NTM: variants seen among roughly 807,000 people sequenced by gnomAD.
The protein encoded by NTM is IgLON family member 2.
NTM carries 13 observed loss-of-function variants against 42.1 expected under a neutral mutation model. That is an observed-to-expected ratio of 0.31 (90% CI 0.20 to 0.49). The LOEUF is 0.49. Among genes scored for constraint, NTM ranks in the 20% least tolerant of loss-of-function variants. The pLI is 0.99. For missense variants in NTM, 373 were observed against 452.8 expected (o/e 0.82, Z 1.60); for synonymous variants, 187 against 179.2 (o/e 1.04, Z -0.35).
At chr11:131,663,805 C>G (rs949431395) in intron 1 of NTM, among the ~76,000 whole-genome samples, 8 of 152,238 alleles carry the variant, frequency 5.3e-5, no homozygotes, top group Admixed American at 1.3e-4. Context: ...CACACACACA[C>G]AGAGATTTCT....
intron 4 of NTM, among the ~76,000 whole-genome samples, chr11:132,237,526 G>A (rs888083229): frequency 6.6e-6 from 1 of 152,190 alleles, no homozygotes. Flanking sequence ...AGCCGGTCCC[G>A]TGAAGAGGTC....
At chr11:132,227,833 T>G (rs1482281373) in intron 4 of NTM, among the ~76,000 whole-genome samples, 3 of 152,078 alleles carry the variant, frequency 2.0e-5, no homozygotes, top group Non-Finnish European at 4.4e-5. Context: ...CACTGGGGAT[T>G]GATAGTTGTG....
intron 1 of NTM, among the ~76,000 whole-genome samples, chr11:131,510,840 C>T (rs374982386): frequency 2.6e-5 from 4 of 151,982 alleles, no homozygotes; most frequent in Admixed American, 6.5e-5. Context: ...CCTTCTGCCC[C>T]GTCCTGGCTT....
At chr11:132,329,240 C>T (rs2095750969) in intron 7 of NTM, among the ~76,000 whole-genome samples, 1 of 152,128 alleles carries the variant, frequency 6.6e-6, no homozygotes, top group South Asian at 2.1e-4. Context: ...AGCTTTAGTG[C>T]CATTTTCCGT....
intron 1 of NTM, among the ~76,000 whole-genome samples, chr11:131,890,148 C>T (rs897761940): frequency 1.4e-5 from 1 of 70,274 alleles, no homozygotes; most frequent in African/African-American, 6.6e-5. Flanking sequence ...CTCTCTCTCT[C>T]TCTCTCTGTC....
intron 2 of NTM, among the ~76,000 whole-genome samples, chr11:131,987,740 AT>A (rs1565890304): frequency 6.6e-6 from 1 of 152,236 alleles, no homozygotes; most frequent in African/African-American, 2.4e-5. Flanking sequence ...AATGCTCTGT[AT>A]TTTATGATGA....
chr11:132,205,621 A>G (rs1033097371), intron 3 of NTM, among the ~76,000 whole-genome samples: 1 of 152,042 alleles, frequency 6.6e-6, no homozygotes, highest in South Asian at 2.1e-4. Context: ...TAATTGGTAT[A>G]TTTTCTAGAT....
chr11:131,918,193 A>G (rs1369317095), intron 2 of NTM, among the ~76,000 whole-genome samples: 1 of 152,148 alleles, frequency 6.6e-6, no homozygotes, highest in African/African-American at 2.4e-5. Context: ...CAGCCAGTAC[A>G]CTTTCCATCC....
intron 3 of NTM, among the ~76,000 whole-genome samples, chr11:132,169,962 AG>A (rs1340250897): frequency 6.6e-6 from 1 of 152,184 alleles, no homozygotes; most frequent in Non-Finnish European, 1.5e-5. Flanking sequence ...TCCAGGACCT[AG>A]CAGAGCCTCT....
rs1436610856 is a variant in NTM at position 132,147,222 on chromosome 11, A to T, written c.400+708A>T. Among the ~76,000 whole-genome samples the T allele has an allele frequency of 2.3e-4, 35 of 149,640 alleles. 1 individual carries two copies. The highest frequency in any genetic ancestry group is 8.2e-4 in the African/African-American group (33 of 40,362). Reference sequence around the variant, plus strand: ...GTGTGTGTGTGTGTGTGTGAGAGAGAGAGAGAGAGAGAGAGAGAATATGTG... The same window carrying T: ...GTGTGTGTGTGTGTGTGTGAGAGAGTGAGAGAGAGAGAGAGAGAATATGTG... On this transcript the variant is annotated intron_variant, in intron 3 of 8. Coordinates refer to ENST00000683400, the MANE Select transcript of NTM (RefSeq NM_001352005.2).
At chr11:131,844,320 C>T (rs1306921103) in intron 1 of NTM, among the ~76,000 whole-genome samples, 2 of 152,040 alleles carry the variant, frequency 1.3e-5, no homozygotes, top group African/African-American at 2.4e-5. Flanking sequence ...GGACTTTTAT[C>T]GGCTTCTGTT....
chr11:131,855,446 C>T (rs2045996583), intron 1 of NTM, among the ~76,000 whole-genome samples: 1 of 152,216 alleles, frequency 6.6e-6, no homozygotes, highest in Non-Finnish European at 1.5e-5. Flanking sequence ...ATTCCCCACT[C>T]TACCAACAAG....
At chr11:131,806,177 T>C (rs1178731328) in intron 1 of NTM, among the ~76,000 whole-genome samples, 1 of 152,216 alleles carries the variant, frequency 6.6e-6, no homozygotes, top group Non-Finnish European at 1.5e-5. Flanking sequence ...CATGCAGTAA[T>C]TGAGTTTTTC....
intron 4 of NTM, among the ~76,000 whole-genome samples, chr11:132,214,438 G>A (rs758587580): frequency 2.6e-5 from 4 of 151,998 alleles, no homozygotes; most frequent in Non-Finnish European, 5.9e-5. Flanking sequence ...TTTTCTGGGT[G>A]TTTCTTCCCC....
At position 131,816,860 on chromosome 11, in the gene NTM, G is replaced by A. The variant is rs534413285; in HGVS notation, c.83-94704G>A. Among the ~76,000 whole-genome samples the A allele has an allele frequency of 2.8e-3, 424 of 152,184 alleles. 3 individuals carry two copies. The highest frequency in any genetic ancestry group is 9.9e-3 in the African/African-American group (410 of 41,494). On this transcript the variant is annotated intron_variant, in intron 1 of 8. Coordinates refer to ENST00000683400, the MANE Select transcript of NTM (RefSeq NM_001352005.2). The stretch of plus-strand genomic sequence containing the variant: ...TACTTAGCATAGCCTAAAACACTGG[G>A]CACTCAACGCACGTTAATTAAATAA...
intron 4 of NTM, among the ~76,000 whole-genome samples, chr11:132,255,467 T>G (rs1425277457): frequency 1.3e-5 from 2 of 152,236 alleles, no homozygotes; most frequent in African/African-American, 4.8e-5. Flanking sequence ...TCGAGGGAAC[T>G]CTGCTTCTGG....
chr11:131,468,357 T>C (rs1565533372), intron 1 of NTM, among the ~76,000 whole-genome samples: 1 of 152,228 alleles, frequency 6.6e-6, no homozygotes, highest in Non-Finnish European at 1.5e-5. Flanking sequence ...AAAATGTTGC[T>C]CGGTGCTTAA....
intron 2 of NTM, among the ~76,000 whole-genome samples, chr11:132,065,768 G>A (rs1007018122): frequency 1.3e-5 from 2 of 152,112 alleles, no homozygotes; most frequent in Admixed American, 6.5e-5. Context: ...AACTGTGTAG[G>A]CATGTGACAT....
chr11:131,415,149 G>A (rs780867957), intron 1 of NTM, among the ~76,000 whole-genome samples: 2 of 152,232 alleles, frequency 1.3e-5, no homozygotes, highest in East Asian at 1.9e-4. Flanking sequence ...TGTAATTGCA[G>A]ACTCTTAAAA....
Sources: allele counts gnomAD v4.1 joint callset (sites outside exome capture counted in the v4.1 genomes callset), GRCh38; gene constraint gnomAD v4.1.1; transcripts MANE v1.5; gene names NCBI Gene and HGNC (gene_info 2026-07-23, HGNC 2026-07-21).